The following ATXN1 variants were observed in gnomAD, a reference collection of about 807,000 sequenced individuals.
The protein encoded by ATXN1 is ataxin 1.
ATXN1 carries 8 observed loss-of-function variants against 56.4 expected under a neutral mutation model. That is an observed-to-expected ratio of 0.14 (90% CI 0.08 to 0.26). The LOEUF is 0.26. Ranked by LOEUF, ATXN1 falls within the 10% of genes least tolerant of loss-of-function variation. ATXN1 has a pLI of 1.00. For missense variants in ATXN1, 987 were observed against 1,106.5 expected, an observed-to-expected ratio of 0.89 and a Z score of 1.53; for synonymous variants, 514 against 494.6, an observed-to-expected ratio of 1.04 and a Z score of -0.52.
At chr6:16,387,706 C>G (rs1232140396) in intron 6 of ATXN1, among the ~76,000 whole-genome samples, 1 of 152,202 alleles carries the variant, frequency 6.6e-6, no homozygotes, top group Non-Finnish European at 1.5e-5. Flanking sequence ...GAAACACTCT[C>G]TAGAACAGAT....
intron 6 of ATXN1, among the ~76,000 whole-genome samples, chr6:16,454,093 C>T (rs914103441): frequency 7.4e-6 from 1 of 135,806 alleles, no homozygotes; most frequent in Non-Finnish European, 1.5e-5. Context: ...TGGCTGGACT[C>T]CAGCCTGGGC....
intron 4 of ATXN1, among the ~76,000 whole-genome samples, chr6:16,538,371 C>T (rs1338435105): frequency 6.6e-6 from 1 of 152,132 alleles, no homozygotes; most frequent in Non-Finnish European, 1.5e-5. Flanking sequence ...GACCAACATA[C>T]AAAGAGCTGA....
At chr6:16,470,627 T>C (rs1248778557) in intron 6 of ATXN1, among the ~76,000 whole-genome samples, 4 of 152,220 alleles carry the variant, frequency 2.6e-5, no homozygotes, top group Non-Finnish European at 5.9e-5. Context: ...TAGTTTAGAC[T>C]GATTAGGTAG....
At position 16,327,364 on chromosome 6, in the gene ATXN1, T is replaced by G; in HGVS notation, c.947A>C (p.Gln316Pro). 1 of 1,613,512 alleles carries G rather than the reference T, an allele frequency of 6.2e-7. No homozygotes were observed. The highest frequency in any genetic ancestry group is 1.1e-5 in the South Asian group (1 of 91,076). Residue 316 changes from glutamine (Q) to proline (P), a missense_variant, in exon 7 of 8, where the codon CAG becomes CCG. Physicochemically the swap from Gln to Pro is moderately conservative, Grantham distance 76. Coordinates refer to ENST00000436367, the MANE Select transcript of ATXN1 (RefSeq NM_001128164.2). Reference protein sequence around the residue: ...TKKAESSRLQQAIQAKEVLNG... With the variant: ...TKKAESSRLQPAIQAKEVLNG... ...CAGGACCTCCTTGGCCTGGATGGCC[T>G]GCTGCAGCCGGCTGCTCTCAGCTTT... is the stretch of plus-strand genomic sequence containing the variant.
chr6:16,371,389 T>C (rs1762039906), intron 6 of ATXN1, among the ~76,000 whole-genome samples: 1 of 152,150 alleles, frequency 6.6e-6, no homozygotes, highest in South Asian at 2.1e-4. Flanking sequence ...TGAGGATTTA[T>C]TGTACCATGC....
At chr6:16,640,550 G>T (rs1763689512) in intron 3 of ATXN1, among the ~76,000 whole-genome samples, 1 of 152,022 alleles carries the variant, frequency 6.6e-6, no homozygotes, top group African/African-American at 2.4e-5. Context: ...GGACGTAGTG[G>T]CGGGTGCCTG....
intron 7 of ATXN1, among the ~76,000 whole-genome samples, chr6:16,325,765 T>C (rs1460959860): frequency 2.0e-5 from 3 of 152,120 alleles, no homozygotes; most frequent in East Asian, 3.9e-4. Context: ...TAAGACATTA[T>C]ATATATGTTG....
chr6:16,342,246 G>A (rs940762589), intron 6 of ATXN1, among the ~76,000 whole-genome samples: 6 of 151,660 alleles, frequency 4.0e-5, no homozygotes, highest in African/African-American at 1.5e-4. Flanking sequence ...CAAAAGTCGT[G>A]TTCTAACCTC....
At chr6:16,483,023 G>A (rs1760471084) in intron 6 of ATXN1, among the ~76,000 whole-genome samples, 1 of 152,122 alleles carries the variant, frequency 6.6e-6, no homozygotes, top group Non-Finnish European at 1.5e-5. Context: ...AGTCCCCATG[G>A]TAGAGAGGAC....
chr6:16,462,258 G>A (rs545625853), intron 6 of ATXN1, among the ~76,000 whole-genome samples: 1 of 152,160 alleles, frequency 6.6e-6, no homozygotes, highest in South Asian at 2.1e-4. Context: ...CACTACATGC[G>A]AGTTAAACTT....
intron 2 of ATXN1, among the ~76,000 whole-genome samples, chr6:16,732,331 G>C (rs1372454281): frequency 6.6e-6 from 1 of 152,094 alleles, no homozygotes; most frequent in Non-Finnish European, 1.5e-5. Context: ...AGCACTTTAG[G>C]AGGCCGAGGC....
At chr6:16,644,771 G>A (rs1305858963) in intron 3 of ATXN1, among the ~76,000 whole-genome samples, 2 of 152,090 alleles carry the variant, frequency 1.3e-5, no homozygotes, top group Non-Finnish European at 2.9e-5. Context: ...CACTCACCAG[G>A]AAAGTAGAGG....
chr6:16,403,092 G>A (rs988060232), intron 6 of ATXN1, among the ~76,000 whole-genome samples: 33 of 152,162 alleles, frequency 2.2e-4, no homozygotes, highest in African/African-American at 7.7e-4. Context: ...GTGTATGTAT[G>A]TATGGATATA....
chr6:16,424,058 G>A (rs10484361), intron 6 of ATXN1, among the ~76,000 whole-genome samples: 29,578 of 152,082 alleles, frequency 0.19, 3,112 homozygotes, highest in Non-Finnish European at 0.23. Context: ...GATCCTCCAG[G>A]TAATCCTATA....
At chr6:16,741,966 G>A (rs1760354798) in intron 2 of ATXN1, among the ~76,000 whole-genome samples, 1 of 152,082 alleles carries the variant, frequency 6.6e-6, no homozygotes, top group Non-Finnish European at 1.5e-5. Context: ...AAGGTTCAAG[G>A]GGTTACAGAG....
At chr6:16,605,212 T>G (rs555797671) in intron 3 of ATXN1, among the ~76,000 whole-genome samples, 1 of 152,364 alleles carries the variant, frequency 6.6e-6, no homozygotes, top group African/African-American at 2.4e-5. Context: ...ATAAGTTACA[T>G]TTTATGACAA....
chr6:16,686,961 G>T (rs183950792), intron 2 of ATXN1, among the ~76,000 whole-genome samples: 17,624 of 152,114 alleles, frequency 0.12, 1,098 homozygotes, highest in Middle Eastern at 0.16. Context: ...TCCATCTAGT[G>T]TTTACAATGA....
At chr6:16,503,747 T>A (rs1472514293) in intron 5 of ATXN1, among the ~76,000 whole-genome samples, 1 of 152,172 alleles carries the variant, frequency 6.6e-6, no homozygotes, top group Non-Finnish European at 1.5e-5. Context: ...GTGGATGACA[T>A]GACAATATAC....
At position 16,328,706 on chromosome 6, in the gene ATXN1, T is replaced by G. The variant is rs2113416061; in HGVS notation, c.-160-236A>C. On this transcript the variant is annotated intron_variant, in intron 6 of 7. Transcript: ENST00000436367. This position sits in a 1 kb window ranked among gnomAD's most constrained non-coding sequence, Gnocchi z 6.2. ...CAGGCAGATCACGAGGTCAGGAGATTAAGACCATCCTGGCTAACATGGTGA... is the reference window on the plus strand; with the variant it reads ...CAGGCAGATCACGAGGTCAGGAGATGAAGACCATCCTGGCTAACATGGTGA... 6.6e-6 allele frequency among the ~76,000 whole-genome samples: 1 copy of G among 152,040 alleles called. No individual in the cohort carries two copies. Among genetic ancestry groups the G allele is most frequent in the East Asian group, 1.9e-4 (1 of 5,168 alleles).
Sources: allele counts gnomAD v4.1 joint callset (sites outside exome capture counted in the v4.1 genomes callset), GRCh38; gene constraint gnomAD v4.1.1; non-coding constraint Gnocchi (gnomAD v3.1); transcripts MANE v1.5; gene names NCBI Gene and HGNC (gene_info 2026-07-23, HGNC 2026-07-21).